PSME4: variants seen among roughly 807,000 people sequenced by gnomAD.
The protein encoded by PSME4 is proteasome activator subunit 4.
Under a neutral mutation model 253.9 loss-of-function variants are expected in PSME4, and 89 were observed. The observed-to-expected ratio is 0.35, with a 90% confidence interval of 0.30 to 0.42. The LOEUF is 0.42. Ranked by LOEUF, PSME4 falls within the 10% of genes least tolerant of loss-of-function variation. The probability of loss-of-function intolerance (pLI) is 1.00; values close to 1 mark genes in which losing one functional copy is unlikely to be tolerated. For missense variants in PSME4, 2,014 were observed against 2,195.2 expected (o/e 0.92, Z 1.65); for synonymous variants, 851 against 759.2 (o/e 1.12, Z -1.99).
chr2:53,940,972 T>TTTAAATATATATAATACATATTTAA (rs1558413983), intron 3 of PSME4, among the ~76,000 whole-genome samples: 3 of 63,018 alleles, frequency 4.8e-5, no homozygotes, highest in Non-Finnish European at 9.9e-5. Flanking sequence ...TATATATATA[T>TTTAAATATATATAATACATATTTAA]ATATATATAT....
chr2:53,923,283 T>C (rs201884025), intron 15 of PSME4, 38 bp downstream of exon 15: 2 of 1,564,442 alleles, frequency 1.3e-6, no homozygotes, highest in East Asian at 4.5e-5. Context: ...AGTTGATTGT[T>C]GAGTCATTAA....
chr2:53,916,728 GA>G (rs1178569982), intron 20 of PSME4, among the ~76,000 whole-genome samples: 1 of 151,996 alleles, frequency 6.6e-6, no homozygotes, highest in Non-Finnish European at 1.5e-5. Flanking sequence ...GGTACTTTAT[GA>G]AATTAACCAT....
intron 1 of PSME4, among the ~76,000 whole-genome samples, chr2:53,965,085 A>C (rs1463048868): frequency 2.0e-5 from 3 of 151,978 alleles, no homozygotes; most frequent in Non-Finnish European, 4.4e-5. Flanking sequence ...AATTCTGTTT[A>C]AACACACACA....
In PSME4 at chr2:53,894,988, G is replaced by T. The variant is rs111592304; in HGVS notation, c.3912+19C>A. Reference sequence around the variant, plus strand: ...CCAAAACAAGATGCATTTGAACCATGGTGAAATGGAATGCTTACCTCTGTC... The same window carrying T: ...CCAAAACAAGATGCATTTGAACCATTGTGAAATGGAATGCTTACCTCTGTC... On this transcript the variant is annotated intron_variant, in intron 34 of 46. Transcript: ENST00000404125. The T allele has an allele frequency of 1.0e-5, 16 of 1,598,420 alleles. 1 individual carries two copies. The African/African-American group carries it at 1.3e-4, about 13-fold the overall frequency.
chr2:53,906,454 C>G (rs1680663495), intron 26 of PSME4, 144 bp downstream of exon 26: 1 of 1,246,782 alleles, frequency 8.0e-7, no homozygotes, highest in Admixed American at 3.4e-5. Flanking sequence ...GAGGTAATTA[C>G]TGGAAATTAC....
chr2:53,881,632 C>T (rs1288785870), intron 41 of PSME4: 1 of 151,836 alleles, frequency 6.6e-6, no homozygotes, highest in East Asian at 1.9e-4. Context: ...TGTCTCCCAG[C>T]TGGAGCACAG....
At position 53,940,072 on chromosome 2, in the gene PSME4, T is replaced by C. The variant is rs779275467; in HGVS notation, c.501-72A>G. 4.3e-6 allele frequency: 5 copies of C among 1,158,720 alleles called. No homozygotes were observed. The African/African-American group carries it at 7.9e-5, about 18-fold the overall frequency. 71.8% of individuals were successfully genotyped at this position (1,158,720 alleles called of 1,614,324 possible). A position where few individuals can be genotyped will look rare whatever the true frequency, so the allele number is the denominator to read the frequency against. On this transcript the variant is annotated intron_variant, in intron 3 of 46. Coordinates refer to ENST00000404125, the MANE Select transcript of PSME4 (RefSeq NM_014614.3). ...ACATATCTAATTCAATTAATAAATA[T>C]CTATAAGATAACCTCACACATTCAG... is the stretch of plus-strand genomic sequence containing the variant.
intron 30 of PSME4, 27 bp from the exon 31 acceptor site, chr2:53,898,026 A>G (rs746718489): frequency 6.9e-6 from 11 of 1,598,794 alleles, no homozygotes; most frequent in Admixed American, 1.8e-5. Flanking sequence ...ATAACAAAGC[A>G]TATCACACAT....
chr2:53,964,384 A>G (rs991864285), intron 1 of PSME4, among the ~76,000 whole-genome samples: 1 of 152,244 alleles, frequency 6.6e-6, no homozygotes, highest in Non-Finnish European at 1.5e-5. Context: ...ATTACATTAT[A>G]CAACTTTATC....
At chr2:53,923,600 T>G (rs1298900393) in intron 14 of PSME4, among the ~76,000 whole-genome samples, 181 bp from the exon 15 acceptor site, 1 of 152,176 alleles carries the variant, frequency 6.6e-6, no homozygotes, top group African/African-American at 2.4e-5. Context: ...AAGAACAATC[T>G]TTGCCCACGA....
At chr2:53,948,374 A>G (rs1439027044) in intron 3 of PSME4, 47 bp downstream of exon 3, 1 of 1,258,550 alleles carries the variant, frequency 7.9e-7, no homozygotes, top group Admixed American at 1.8e-5. Context: ...ACCCCCCTAA[A>G]AAACCCCAAG....
At chr2:53,876,160 T>C (rs562380198) in intron 41 of PSME4, among the ~76,000 whole-genome samples, 3 of 152,384 alleles carry the variant, frequency 2.0e-5, no homozygotes, top group African/African-American at 7.2e-5. Context: ...ACCACATTCA[T>C]GTGTTATTAC....
intron 41 of PSME4, among the ~76,000 whole-genome samples, chr2:53,884,846 T>C (rs937908406): frequency 4.6e-5 from 7 of 152,196 alleles, no homozygotes; most frequent in African/African-American, 1.2e-4. Context: ...ATCCTTTGCA[T>C]AGCATTCTTA....
chr2:53,889,355 T>G (rs1156355381), intron 37 of PSME4, among the ~76,000 whole-genome samples: 1 of 152,024 alleles, frequency 6.6e-6, no homozygotes, highest in Non-Finnish European at 1.5e-5. Context: ...TTCTCTAGAG[T>G]ATTTGTAATA....
intron 21 of PSME4, 140 bp downstream of exon 21, chr2:53,909,925 GCGTCACCACA>G: frequency 1.4e-6 from 1 of 737,956 alleles, no homozygotes; most frequent in South Asian, 1.4e-5. Flanking sequence ...AGCAGAGATC[GCGTCACCACA>G]CTCCAGCCTG....
At chr2:53,919,328 A>G in intron 19 of PSME4, 82 bp from the exon 20 acceptor site, 1 of 1,438,768 alleles carries the variant, frequency 7.0e-7, no homozygotes, top group Non-Finnish European at 9.1e-7. Context: ...AAGTTTTCTC[A>G]CGTGGGGATA....
chr2:53,961,568 C>G (rs1670497475), intron 1 of PSME4, among the ~76,000 whole-genome samples: 1 of 152,114 alleles, frequency 6.6e-6, no homozygotes. Flanking sequence ...GTCCCAGCTA[C>G]TCCAGAGGCT....
chr2:53,938,872 A>G (rs1669247590), intron 4 of PSME4, among the ~76,000 whole-genome samples: 1 of 152,268 alleles, frequency 6.6e-6, no homozygotes, highest in South Asian at 2.1e-4. Flanking sequence ...TTTTAAAAAA[A>G]CAAAAACAAA....
chr2:53,870,664 C>G (rs1172921696), intron 43 of PSME4: 1 of 152,112 alleles, frequency 6.6e-6, no homozygotes, highest in East Asian at 1.9e-4. Context: ...GCATGAGCTA[C>G]CGCACCCAGC....
Sources: gnomAD v4.1 joint callset for allele counts (sites outside exome capture counted in the v4.1 genomes callset) on GRCh38, gnomAD v4.1.1 for gene constraint, MANE v1.5 for transcripts, NCBI Gene and HGNC (gene_info 2026-07-23, HGNC 2026-07-21) for gene names.